The following ATP7B variants were observed in gnomAD, a reference collection of about 807,000 sequenced individuals.
ATP7B encodes the protein copper-transporting ATPase 2.
In ATP7B, 113 loss-of-function variants were observed where a neutral mutation model predicts 118.9. The observed-to-expected ratio is 0.95, with a 90% CI of 0.82 to 1.11. ATP7B has a LOEUF of 1.11. Ranked by LOEUF, ATP7B falls within the 50% of genes most tolerant of loss-of-function variation. The pLI is 0.00. For synonymous variants in ATP7B, 777 were observed against 727.4 expected, an observed-to-expected ratio of 1.07 and a Z score of -1.10; for missense variants, 1,867 against 1,871.4, an observed-to-expected ratio of 1.00 and a Z score of 0.04.
At chr13:51,937,766 C>A in intron 17 of ATP7B, 87 bp from the exon 18 acceptor site, 2 of 1,486,140 alleles carry the variant, frequency 1.3e-6, no homozygotes, top group Non-Finnish European at 1.9e-6. Flanking sequence ...CCCCTCTGCC[C>A]TCGGCCTCTG....
chr13:51,956,396 C>T (rs543378115), intron 9 of ATP7B, among the ~76,000 whole-genome samples: 20 of 152,310 alleles, frequency 1.3e-4, no homozygotes, highest in Admixed American at 1.2e-3. Context: ...TGGACAAGGG[C>T]ACACAAGGGA....
At chr13:51,983,077 C>T (rs1952498014) in intron 1 of ATP7B, among the ~76,000 whole-genome samples, 1 of 152,140 alleles carries the variant, frequency 6.6e-6, no homozygotes, top group Non-Finnish European at 1.5e-5. Flanking sequence ...CGTTCACTCG[C>T]CTGGAAAGGT....
chr13:52,008,154 A>C (rs1023771994), intron 1 of ATP7B, among the ~76,000 whole-genome samples: 1 of 152,150 alleles, frequency 6.6e-6, no homozygotes, highest in African/African-American at 2.4e-5. Context: ...ACCCTGACCA[A>C]CATGGTGAAA....
intron 9 of ATP7B, among the ~76,000 whole-genome samples, chr13:51,953,920 A>G (rs1958175777): frequency 6.7e-6 from 1 of 148,190 alleles, no homozygotes; most frequent in South Asian, 2.2e-4. Context: ...AAGCCTTTTA[A>G]TATCAAGCAC....
Position 51,976,799 on chromosome 13 carries a change from A to C in ATP7B, c.52-1631T>G, listed in dbSNP as rs536752631. Among the ~76,000 whole-genome samples, 55 of 152,318 alleles carry C rather than the reference A, an allele frequency of 3.6e-4. 1 individual carries two copies. The South Asian group carries it at 0.011, about 31-fold the overall frequency. On this transcript the variant is annotated intron_variant, in intron 1 of 20. Coordinates refer to ENST00000242839, the MANE Select transcript of ATP7B (RefSeq NM_000053.4). ...TCTGAACATAGAAAAGGTACAGTAA[A>C]AACACAATATAAAAGATTAAAAAAT...
intron 15 of ATP7B, 150 bp from the exon 16 acceptor site, chr13:51,941,374 CA>C (rs377284993): frequency 0.18 from 102,373 of 569,338 alleles, 49 homozygotes; most frequent in Middle Eastern, 0.21. Flanking sequence ...TCCTTTAGGA[CA>C]AAAAAAAAAA....
At chr13:51,970,811 A>G in intron 2 of ATP7B, 62 bp from the exon 3 acceptor site, 1 of 1,571,028 alleles carries the variant, frequency 6.4e-7, no homozygotes, top group Non-Finnish European at 8.7e-7. Context: ...TTTCAGAACA[A>G]GAGGTTTCAG....
At chr13:51,947,071 A>G (rs1924619) in intron 12 of ATP7B, among the ~76,000 whole-genome samples, 86,176 of 152,048 alleles carry the variant, frequency 0.57, 24,563 homozygotes, top group Middle Eastern at 0.64. Flanking sequence ...ACCAATACGG[A>G]ATTGGTTAAT....
intron 9 of ATP7B, among the ~76,000 whole-genome samples, chr13:51,953,132 G>T (rs1042133009): frequency 1.3e-5 from 2 of 152,200 alleles, no homozygotes; most frequent in Non-Finnish European, 2.9e-5. Context: ...TGAGCCAGGA[G>T]AACGGAAGGA....
chr13:51,970,702 TG>T lies in ATP7B; in HGVS notation c.1332del (p.Met445TrpfsTer53). The T allele has an allele frequency of 6.2e-7, 1 of 1,614,194 alleles. No individual in the cohort carries two copies. The highest frequency in any genetic ancestry group is 8.5e-7 in the Non-Finnish European group (1 of 1,180,008). ...NPLGNHSAGN[S>X]MVQTTDGTPT... ...GGTGTACCATCTGTAGTTTGCACCA[TG>T]GAATTCCCAGCACTGTGGTTTCCAA... On this transcript the variant is annotated frameshift_variant, in exon 3 of 21. Transcript: ENST00000242839. LOFTEE classifies it high-confidence loss of function.
chr13:51,948,763 T>C (rs1317637727), intron 12 of ATP7B, among the ~76,000 whole-genome samples: 2 of 152,198 alleles, frequency 1.3e-5, no homozygotes. Flanking sequence ...TTTTCCTTTC[T>C]TTTTCTGAGG....
At chr13:51,935,984 G>A (rs908810210) in intron 19 of ATP7B, among the ~76,000 whole-genome samples, 31 of 152,354 alleles carry the variant, frequency 2.0e-4, no homozygotes, top group African/African-American at 6.7e-4. Flanking sequence ...CCAGGGCAGC[G>A]ACAAACCACA....
Position 52,005,401 on chromosome 13 carries a change from C to T in ATP7B, c.51+5886G>A, listed in dbSNP as rs1194672537. ...CATCACTCTTCATCTAGTTCATCAT[C>T]TATCCTCCACAAAGCATTAGGGCAC... is the stretch of plus-strand genomic sequence containing the variant. On this transcript the variant is annotated intron_variant, in intron 1 of 20. Coordinates refer to ENST00000242839, the MANE Select transcript of ATP7B (RefSeq NM_000053.4). 2.0e-5 allele frequency among the ~76,000 whole-genome samples: 3 copies of T among 152,348 alleles called. No homozygotes were observed. In the East Asian group the frequency reaches 5.8e-4, roughly 29 times the overall value.
chr13:51,975,512 C>T (rs368390207), intron 1 of ATP7B: 25 of 531,160 alleles, frequency 4.7e-5, no homozygotes, highest in East Asian at 3.1e-4. Context: ...GAGGGCACAG[C>T]GGCTCACGGT....
At chr13:51,979,112 T>C (rs1952280031) in intron 1 of ATP7B, 1 of 152,134 alleles carries the variant, frequency 6.6e-6, no homozygotes, top group South Asian at 2.1e-4. Flanking sequence ...CTAGAACACA[T>C]TTCAAAGTGC....
intron 2 of ATP7B, among the ~76,000 whole-genome samples, chr13:51,971,090 T>C (rs28368815): frequency 0.022 from 3,356 of 152,328 alleles, 141 homozygotes; most frequent in African/African-American, 0.077. Context: ...CGGGGTGCTA[T>C]TGAGTCCAAG....
intron 1 of ATP7B, among the ~76,000 whole-genome samples, chr13:51,990,292 A>G (rs934436368): frequency 1.3e-5 from 2 of 152,144 alleles, no homozygotes; most frequent in African/African-American, 4.8e-5. Context: ...ATTTTACCAT[A>G]TAGATATACA....
intron 1 of ATP7B, among the ~76,000 whole-genome samples, chr13:51,986,615 A>C (rs1952662042): frequency 6.6e-6 from 1 of 152,232 alleles, no homozygotes; most frequent in South Asian, 2.1e-4. Flanking sequence ...AGAACAAAAA[A>C]AGAAAATTTC....
intron 9 of ATP7B, 35 bp downstream of exon 9, chr13:51,957,481 A>C (rs1467994188): frequency 1.3e-6 from 2 of 1,587,256 alleles, no homozygotes; most frequent in East Asian, 4.5e-5. Context: ...ATTGATAGAT[A>C]CCAACCACAA....
Sources: allele counts gnomAD v4.1 joint callset (sites outside exome capture counted in the v4.1 genomes callset), GRCh38; gene constraint gnomAD v4.1.1; transcripts MANE v1.5; gene names NCBI Gene and HGNC (gene_info 2026-07-23, HGNC 2026-07-21).